Variants in CAD observed in about 807,000 individuals in gnomAD.
CAD encodes the protein multifunctional protein CAD.
Under a neutral mutation model 237.2 loss-of-function variants are expected in CAD, and 81 were observed. The ratio of observed to expected loss-of-function variants is 0.34; its 90% CI spans 0.29 to 0.41. The LOEUF (loss-of-function observed/expected upper bound fraction) is 0.41. Among genes scored for constraint, CAD ranks in the 10% least tolerant of loss-of-function variants. The pLI, the probability that CAD is intolerant of heterozygous loss-of-function variation, is 1.00. For missense variants in CAD, 2,181 were observed against 2,951.7 expected (o/e 0.74, Z 6.05); for synonymous variants, 1,196 against 1,162.8 (o/e 1.03, Z -0.58).
intron 8 of CAD, 98 bp downstream of exon 8, chr2:27,224,127 A>C: frequency 1.0e-6 from 1 of 985,958 alleles, no homozygotes; most frequent in Non-Finnish European, 1.6e-6. Context: ...CTAGATGTCT[A>C]GGAGGTTAAG....
rs539232010 is a variant in CAD at position 27,222,216 on chromosome 2, C to A, written c.375C>A (p.Thr125=). 8.9e-5 allele frequency: 144 copies of A among 1,613,848 alleles called. 3 individuals carry two copies. The South Asian group carries it at 1.5e-3, about 17-fold the overall frequency. ...GLQGVDTREL[T]KKLREQGSLL... Reference sequence around the variant, plus strand: ...CAGGAGTAGACACTCGGGAGCTGACCAAGAAGTTGCGGGAACAGGGGTCTC... The same window carrying A: ...CAGGAGTAGACACTCGGGAGCTGACAAAGAAGTTGCGGGAACAGGGGTCTC... The change falls in exon 4 of 44, where the codon ACC becomes ACA. Residue 125 remains threonine (T), a synonymous_variant. Coordinates refer to ENST00000264705, the MANE Select transcript of CAD (RefSeq NM_004341.5).
In CAD at chr2:27,240,819, A is replaced by T. The variant is rs927897795; in HGVS notation, c.5594-92A>T. 1 of 1,427,410 alleles carries T rather than the reference A, an allele frequency of 7.0e-7. No homozygotes were observed. The highest frequency in any genetic ancestry group is 9.8e-7 in the Non-Finnish European group (1 of 1,018,774). The allele number at this position is 1,427,410 out of a possible 1,614,324, so 88.4% of individuals were successfully genotyped here. ...TTACTGTGTTGTGAATTGGTTTAAC[A>T]TATACACTGTGATTCAGAGTTCCTG... On this transcript the variant is annotated intron_variant, in intron 35 of 43. Coordinates refer to ENST00000264705, the MANE Select transcript of CAD (RefSeq NM_004341.5). The surrounding 1 kb of genome is among the most constrained non-coding windows in gnomAD (Gnocchi z 4.6).
Position 27,231,985 on chromosome 2 carries a change from G to A in CAD, c.2406G>A (p.Leu802=). ...GTCTACCCCCTTTCTATCAGGAGTT[G>A]GAGACTCCAACAGATAAGCGGATTT... The part of the protein sequence containing the change: ...HTVKPVSDME[L]ETPTDKRIFV... The change falls in exon 17 of 44, where the codon TTG becomes TTA. Residue 802 remains leucine, a synonymous_variant. Transcript: ENST00000264705. 1 of 1,614,150 alleles carries A rather than the reference G, an allele frequency of 6.2e-7. No homozygotes were observed. Among genetic ancestry groups the A allele is most frequent in the Non-Finnish European group, 8.5e-7 (1 of 1,180,018 alleles).
intron 11 of CAD, 90 bp from the exon 12 acceptor site, chr2:27,225,615 T>G: frequency 2.0e-6 from 2 of 1,004,030 alleles, no homozygotes; most frequent in Non-Finnish European, 3.0e-6. Flanking sequence ...CCCAGCCATG[T>G]TATTTTCTTT....
Position 27,217,424 on chromosome 2 carries a change from T to A in CAD, c.-128T>A, listed in dbSNP as rs1057043824. ...AGGCTCCTACGCTGCCGCGCCCGGC[T>A]TCTCTCCAGCGCCCCGCGCCGTTAG... On this transcript the variant is annotated 5_prime_UTR_variant, in exon 1 of 44. Transcript: ENST00000264705. The A allele has an allele frequency of 2.0e-5, 16 of 816,126 alleles. No individual in the cohort carries two copies. The highest frequency in any genetic ancestry group is 2.9e-5 in the Non-Finnish European group (14 of 488,832). 50.6% of individuals were successfully genotyped at this position (816,126 alleles called of 1,614,324 possible).
At position 27,239,503 on chromosome 2, in the gene CAD, G is replaced by A. The variant is rs372292243; in HGVS notation, c.5394+32G>A. The stretch of plus-strand genomic sequence containing the variant: ...AAGTAGCCCCTGCCTGATCTCAGTA[G>A]TGCCCTCTTCTGCACCACGTTCATT... On this transcript the variant is annotated intron_variant, in intron 33 of 43. Coordinates refer to ENST00000264705, the MANE Select transcript of CAD (RefSeq NM_004341.5). The surrounding 1 kb of genome is among the most constrained non-coding windows in gnomAD (Gnocchi z 4.0). 2.5e-6 allele frequency: 4 copies of A among 1,608,076 alleles called. No individual in the cohort carries two copies. Among genetic ancestry groups the A allele is most frequent in the African/African-American group, 2.7e-5 (2 of 74,812 alleles).
rs1284366375 is a variant in CAD, at chr2:27,239,358, C to T, written c.5281C>T (p.Pro1761Ser). ...GGATCTGGAGCATGAGTGGACAATT[C>T]CCAGCCACATGCCCTTCTCCAAGGC... ...EVDLEHEWTIPSHMPFSKAHW... is the reference protein window; with the variant it reads ...EVDLEHEWTISSHMPFSKAHW... The change falls in exon 33 of 44, where the codon CCC (proline) becomes TCC (serine). Residue 1761 changes from proline (P) to serine (S), a missense_variant. Around this residue, in one of 12 missense-constraint regions of CAD, gnomAD observed 478 missense variants for 515.0 expected, o/e 0.93. Coordinates refer to ENST00000264705, the MANE Select transcript of CAD (RefSeq NM_004341.5). This position sits in a 1 kb window ranked among gnomAD's most constrained non-coding sequence, Gnocchi z 4.0. 1.2e-6 allele frequency: 2 copies of T among 1,613,854 alleles called. No homozygotes were observed. The highest frequency in any genetic ancestry group is 1.7e-6 in the Non-Finnish European group (2 of 1,179,942).
In CAD at chr2:27,222,699, G is replaced by C. The variant is rs780875701; in HGVS notation, c.637+39G>C. 2.5e-6 allele frequency: 4 copies of C among 1,601,612 alleles called. No individual in the cohort carries two copies. In the African/African-American group the frequency reaches 4.0e-5, roughly 16 times the overall value. On this transcript the variant is annotated intron_variant, in intron 5 of 43. Transcript: ENST00000264705. ...GCCTGTTCAGGGCCTCAGACAAGCA[G>C]CTTGGGTGGAAGATCTATCCCTTGG...
rs371400184 is a variant in CAD, at chr2:27,233,333, C to T, written c.3013C>T (p.Leu1005Phe). Residue 1005 changes from leucine (L) to phenylalanine (F), a missense_variant, in exon 20 of 44, where the codon CTC becomes TTC. Around this residue, in one of 12 missense-constraint regions of CAD, gnomAD observed 385 missense variants for 535.1 expected, o/e 0.72. Coordinates refer to ENST00000264705, the MANE Select transcript of CAD (RefSeq NM_004341.5). This position sits in a 1 kb window ranked among gnomAD's most constrained non-coding sequence, Gnocchi z 6.3. ...GTAGGTGGTGATGGACATCTATGAGCTCGAGAACCCTGAAGGTGTGATCCT... is the reference window on the plus strand; with the variant it reads ...GTAGGTGGTGATGGACATCTATGAGTTCGAGAACCCTGAAGGTGTGATCCT... The part of the protein sequence containing the change: ...SFEVVMDIYE[L>F]ENPEGVILSM... The T allele has an allele frequency of 1.9e-6, 3 of 1,614,070 alleles. No homozygotes were observed. In the African/African-American group the frequency reaches 4.0e-5, roughly 22 times the overall value.
Position 27,242,279 on chromosome 2 carries a change from C to G in CAD, c.6097-23C>G. On this transcript the variant is annotated intron_variant, in intron 39 of 43. Transcript: ENST00000264705. This position sits in a 1 kb window ranked among gnomAD's most constrained non-coding sequence, Gnocchi z 6.4. ...TGGGGGGCCTCTGAGCTGCAAAAGA[C>G]AGGATTTTCCCCTTTTTTCCAGCTG... 6.2e-7 allele frequency: 1 copy of G among 1,600,434 alleles called. No homozygotes were observed. Among genetic ancestry groups the G allele is most frequent in the South Asian group, 1.1e-5 (1 of 90,020 alleles).
chr2:27,243,281 C>T lies in CAD; in HGVS notation c.6564C>T (p.Val2188=). The part of the protein sequence containing the change: ...KMVVMHPMPR[V]NEISVEVDSD... ...TGGTGATGCACCCGATGCCCCGTGT[C>T]AACGAGATAAGGTGGTGCAGCATCA... Residue 2188 remains valine, a synonymous_variant, in exon 43 of 44, where the codon GTC becomes GTT. Coordinates refer to ENST00000264705, the MANE Select transcript of CAD (RefSeq NM_004341.5). 1 of 1,613,666 alleles carries T rather than the reference C, an allele frequency of 6.2e-7. No homozygotes were observed. The highest frequency in any genetic ancestry group is 1.1e-5 in the South Asian group (1 of 91,040).
rs1389245182 is a variant in CAD at position 27,243,302 on chromosome 2, C to T, written c.6575+10C>T. 3.1e-6 allele frequency: 5 copies of T among 1,613,380 alleles called. No individual in the cohort carries two copies. Among genetic ancestry groups the T allele is most frequent in the East Asian group, 2.2e-5 (1 of 44,860 alleles). On this transcript the variant is annotated intron_variant, in intron 43 of 43. Transcript: ENST00000264705. ...GTGTCAACGAGATAAGGTGGTGCAG[C>T]ATCAGAGTCAGAGACTGCCTCGGGG... is the stretch of plus-strand genomic sequence containing the variant.
In CAD at chr2:27,241,455, C is replaced by G; in HGVS notation, c.5883+59C>G. The G allele has an allele frequency of 6.6e-7, 1 of 1,505,974 alleles. No individual in the cohort carries two copies. Among genetic ancestry groups the G allele is most frequent in the Non-Finnish European group, 9.2e-7 (1 of 1,082,800 alleles). 93.3% of individuals were successfully genotyped at this position (1,505,974 alleles called of 1,614,324 possible). On this transcript the variant is annotated intron_variant, in intron 38 of 43. Transcript: ENST00000264705. This position sits in a 1 kb window ranked among gnomAD's most constrained non-coding sequence, Gnocchi z 4.6. The stretch of plus-strand genomic sequence containing the variant: ...ATCGCCTGCCCTTGGGCCGCATCAG[C>G]GCAGGGCCGCGCAGTGGTCAGAGTG...
intron 31 of CAD, 128 bp downstream of exon 31, chr2:27,238,760 G>T (rs1676150389): frequency 1.2e-6 from 1 of 849,908 alleles, no homozygotes; most frequent in Non-Finnish European, 1.8e-6. Flanking sequence ...TGGGACCCTA[G>T]CCTCTAGGGT....
At position 27,217,426 on chromosome 2, in the gene CAD, C is replaced by G; in HGVS notation, c.-126C>G. 1.2e-6 allele frequency: 1 copy of G among 831,124 alleles called. No individual in the cohort carries two copies. The highest frequency in any genetic ancestry group is 1.5e-5 in the South Asian group (1 of 68,810). The allele number at this position is 831,124 out of a possible 1,614,324, so 51.5% of individuals were successfully genotyped here. ...GCTCCTACGCTGCCGCGCCCGGCTTCTCTCCAGCGCCCCGCGCCGTTAGCC... is the reference window on the plus strand; with the variant it reads ...GCTCCTACGCTGCCGCGCCCGGCTTGTCTCCAGCGCCCCGCGCCGTTAGCC... On this transcript the variant is annotated 5_prime_UTR_variant, in exon 1 of 44. Coordinates refer to ENST00000264705, the MANE Select transcript of CAD (RefSeq NM_004341.5).
intron 22 of CAD, 74 bp downstream of exon 22, chr2:27,234,300 C>A: frequency 1.4e-5 from 20 of 1,393,108 alleles, no homozygotes; most frequent in Non-Finnish European, 1.9e-5. Context: ...TGCCATGAAG[C>A]CCTGCACTGT....
At chr2:27,228,156 C>G (rs1027584092) in intron 15 of CAD, among the ~76,000 whole-genome samples, 2 of 152,024 alleles carry the variant, frequency 1.3e-5, no homozygotes, top group African/African-American at 2.4e-5. Flanking sequence ...TACTTAAGCC[C>G]CTAGAGTAAA....
Position 27,235,428 on chromosome 2 carries a change from G to T in CAD, c.3969+1G>T. 2 of 1,609,736 alleles carry T rather than the reference G, an allele frequency of 1.2e-6. No individual in the cohort carries two copies. Among genetic ancestry groups the T allele is most frequent in the Non-Finnish European group, 8.5e-7 (1 of 1,177,002 alleles). The stretch of plus-strand genomic sequence containing the variant: ...CCTGCTGACCATTGGCAGCTATAAG[G>T]TATCAGAATCCAGGAGGGCTTCCCG... On this transcript the variant is annotated splice_donor_variant, in intron 24 of 43. Coordinates refer to ENST00000264705, the MANE Select transcript of CAD (RefSeq NM_004341.5). LOFTEE classifies it high-confidence loss of function. The surrounding 1 kb of genome is among the most constrained non-coding windows in gnomAD (Gnocchi z 5.2).
In CAD at chr2:27,226,971, C is replaced by T. The variant is rs1249316403; in HGVS notation, c.2287+9C>T. 4 of 1,613,908 alleles carry T rather than the reference C, an allele frequency of 2.5e-6. No homozygotes were observed. The South Asian group carries it at 3.3e-5, about 13-fold the overall frequency. ...CTGCATGAAGAGCGTTGGTGAGACT[C>T]ATGCCCTGGGCACCCCCATGGGGCC... is the stretch of plus-strand genomic sequence containing the variant. On this transcript the variant is annotated intron_variant, in intron 15 of 43. Transcript: ENST00000264705.
Sources: allele counts gnomAD v4.1 joint callset (sites outside exome capture counted in the v4.1 genomes callset), GRCh38; gene constraint gnomAD v4.1.1; regional missense constraint gnomAD v4.1.1; non-coding constraint Gnocchi (gnomAD v3.1); transcripts MANE v1.5; gene names NCBI Gene and HGNC (gene_info 2026-07-23, HGNC 2026-07-21).